The following MS4A1 variants were observed in gnomAD, a reference collection of about 807,000 sequenced individuals.
MS4A1 encodes the protein B-lymphocyte antigen CD20.
In MS4A1, 16 loss-of-function variants were observed where a neutral mutation model predicts 26.5. The observed-to-expected ratio is 0.60, with a 90% CI of 0.41 to 0.92. The LOEUF (loss-of-function observed/expected upper bound fraction) is 0.92, where lower values mean the gene tolerates loss of function less well. Ranked by LOEUF, MS4A1 falls within the 40% of genes least tolerant of loss-of-function variation. MS4A1 has a pLI of 0.00. For missense variants in MS4A1, 350 were observed against 353.0 expected, an observed-to-expected ratio of 0.99 and a Z score of 0.07; for synonymous variants, 128 against 117.6, an observed-to-expected ratio of 1.09 and a Z score of -0.57.
intron 1 of MS4A1, among the ~76,000 whole-genome samples, chr11:60,459,533 T>C (rs1440764057): frequency 6.6e-6 from 1 of 152,230 alleles, no homozygotes; most frequent in Non-Finnish European, 1.5e-5. Context: ...GACTGCAGCT[T>C]CCTCATTTGT....
chr11:60,463,868 A>G, intron 4 of MS4A1: 1 of 441,564 alleles, frequency 2.3e-6, no homozygotes, highest in South Asian at 1.6e-5. Flanking sequence ...TTCCTTCTGC[A>G]TCAGTTCACT....
Position 60,470,062 on chromosome 11 carries a change from A to G in MS4A1, c.*1594A>G, listed in dbSNP as rs142874024. 3 of 152,240 alleles carry G rather than the reference A, an allele frequency of 2.0e-5. No individual in the cohort carries two copies. The highest frequency in any genetic ancestry group is 4.8e-5 in the African/African-American group (2 of 41,582). The allele number at this position is 152,240 out of a possible 1,614,324, so 9.4% of individuals were successfully genotyped here. On this transcript the variant is annotated 3_prime_UTR_variant, in exon 8 of 8. Coordinates refer to ENST00000345732, the MANE Select transcript of MS4A1 (RefSeq NM_152866.3). ...ATCTTTGTGTTCTTTTCTGCAACAG[A>G]TGATTCCAACATGGGTGTTTGTCTA...
chr11:60,464,236 T>C (rs1402690346), intron 4 of MS4A1, 52 bp from the exon 5 acceptor site: 3 of 1,336,204 alleles, frequency 2.2e-6, no homozygotes, highest in South Asian at 1.2e-5. Flanking sequence ...CTCTCCTCTA[T>C]CTCCTGTCTT....
chr11:60,464,177 G>C (rs1352830372), intron 4 of MS4A1, 111 bp from the exon 5 acceptor site: 1 of 773,254 alleles, frequency 1.3e-6, no homozygotes, highest in Non-Finnish European at 2.2e-6. Context: ...GTTGCTGAAA[G>C]TGTAGGCTTC....
chr11:60,464,971 C>A lies in MS4A1; in HGVS notation c.336+627C>A, dbSNP rs183891696. The stretch of plus-strand genomic sequence containing the variant: ...AAAGAGTTTAGCAGCAAGTTCGCTC[C>A]CAAAAAATTCCTCCCCCAACACTGT... On this transcript the variant is annotated intron_variant, in intron 5 of 7. Transcript: ENST00000345732. Among the ~76,000 whole-genome samples the A allele has an allele frequency of 3.3e-4, 51 of 152,296 alleles. No individual in the cohort carries two copies. In the Middle Eastern group the frequency reaches 0.027, roughly 81 times the overall value.
At position 60,468,319 on chromosome 11, in the gene MS4A1, C is replaced by A. The variant is rs901618343; in HGVS notation, c.745C>A (p.Leu249Ile). 1.3e-5 allele frequency: 21 copies of A among 1,613,686 alleles called. No individual in the cohort carries two copies. The highest frequency in any genetic ancestry group is 1.7e-5 in the Non-Finnish European group (20 of 1,179,856). ...TIEIKEEVVG[L>I]TETSSQPKNE... The stretch of plus-strand genomic sequence containing the variant: ...TGAAATAAAAGAAGAAGTGGTTGGG[C>A]TAACTGAAACATCTTCCCAACCAAA... The change falls in exon 8 of 8, where the codon CTA becomes ATA. Residue 249 changes from leucine (L) to isoleucine (I), a missense_variant. By Grantham distance (5) the Leu-to-Ile change is conservative. Transcript: ENST00000345732.
Position 60,457,264 on chromosome 11 carries a change from G to A in MS4A1, c.-280+1319G>A, listed in dbSNP as rs1363446151. ...GGTAGAGGACATGTATAGACCAGTG[G>A]CTCTGGTGGCGGTAGTGGGATATGA... On this transcript the variant is annotated intron_variant, in intron 1 of 7. Coordinates refer to ENST00000345732, the MANE Select transcript of MS4A1 (RefSeq NM_152866.3). Among the ~76,000 whole-genome samples, 4 of 152,250 alleles carry A rather than the reference G, an allele frequency of 2.6e-5. No homozygotes were observed. The Middle Eastern group carries it at 0.01, about 388-fold the overall frequency.
In MS4A1 at chr11:60,465,918, C is replaced by T; in HGVS notation, c.337-3C>T. On this transcript the variant is annotated splice_polypyrimidine_tract_variant and splice_region_variant and intron_variant, in intron 5 of 7. Transcript: ENST00000345732. ...AATTAATAAATCTGTGTCTCCATTT[C>T]AGGTCAAAGGAAAAATGATAATGAA... 6.2e-7 allele frequency: 1 copy of T among 1,607,090 alleles called. No homozygotes were observed. The highest frequency in any genetic ancestry group is 1.8e-4 in the Middle Eastern group (1 of 5,606).
At chr11:60,465,409 C>G (rs1239468275) in intron 5 of MS4A1, among the ~76,000 whole-genome samples, 1 of 152,148 alleles carries the variant, frequency 6.6e-6, no homozygotes, top group East Asian at 1.9e-4. Flanking sequence ...GTTGCTTCTG[C>G]TTTTTTTATT....
rs201238245 is a variant in MS4A1 at position 60,467,038 on chromosome 11, G to C, written c.653G>C (p.Arg218Thr). The C allele has an allele frequency of 6.2e-7, 1 of 1,614,130 alleles. No individual in the cohort carries two copies. Among genetic ancestry groups the C allele is most frequent in the East Asian group, 2.2e-5 (1 of 44,866 alleles). The change falls in exon 7 of 8, where the codon AGA (arginine) becomes ACA (threonine). Residue 218 changes from arginine to threonine, a missense_variant. Coordinates refer to ENST00000345732, the MANE Select transcript of MS4A1 (RefSeq NM_152866.3). ...IAGIVENEWKRTCSRPKSNIV... is the reference protein window; with the variant it reads ...IAGIVENEWKTTCSRPKSNIV... ...GGCATCGTTGAGAATGAATGGAAAA[G>C]AACGTGCTCCAGACCCAAATCTGTA...
Position 60,463,037 on chromosome 11 carries a change from C to T in MS4A1, c.195C>T (p.Ala65=), listed in dbSNP as rs1402540085. ...TTATGAATGGGCTCTTCCACATTGC[C>T]CTGGGGGGTCTTCTGATGATCCCAG... ...VQIMNGLFHI[A]LGGLLMIPAG... Residue 65 remains alanine, a synonymous_variant, in exon 4 of 8, where the codon GCC becomes GCT. Coordinates refer to ENST00000345732, the MANE Select transcript of MS4A1 (RefSeq NM_152866.3). The T allele has an allele frequency of 1.2e-6, 2 of 1,613,988 alleles. No homozygotes were observed. The highest frequency in any genetic ancestry group is 1.7e-5 in the Admixed American group (1 of 60,008).
intron 1 of MS4A1, among the ~76,000 whole-genome samples, chr11:60,458,925 G>A (rs529018921): frequency 3.9e-4 from 59 of 152,102 alleles, no homozygotes; most frequent in African/African-American, 1.4e-3. Context: ...TTTGTTTAAG[G>A]TTTGTAGAAG....
At position 60,463,427 on chromosome 11, in the gene MS4A1, A is replaced by T. The variant is rs143480849; in HGVS notation, c.279+306A>T. ...GGGTGGCCCTAGACATTTAGACTAGATAGCAAGATGTTTTGGAAAGCAAGA... is the reference window on the plus strand; with the variant it reads ...GGGTGGCCCTAGACATTTAGACTAGTTAGCAAGATGTTTTGGAAAGCAAGA... On this transcript the variant is annotated intron_variant, in intron 4 of 7. Coordinates refer to ENST00000345732, the MANE Select transcript of MS4A1 (RefSeq NM_152866.3). 4.5e-3 allele frequency among the ~76,000 whole-genome samples: 687 copies of T among 152,302 alleles called. 5 individuals carry two copies. The highest frequency in any genetic ancestry group is 0.016 in the African/African-American group (665 of 41,570).
At chr11:60,458,630 T>C (rs2086222987) in intron 1 of MS4A1, among the ~76,000 whole-genome samples, 1 of 152,218 alleles carries the variant, frequency 6.6e-6, no homozygotes, top group Non-Finnish European at 1.5e-5. Flanking sequence ...AACTGTGCAT[T>C]GGGCACTAAG....
chr11:60,457,451 AT>A (rs946943207), intron 1 of MS4A1, among the ~76,000 whole-genome samples: 2 of 152,196 alleles, frequency 1.3e-5, no homozygotes, highest in African/African-American at 4.8e-5. Context: ...TGGACAATGG[AT>A]TAGAAAAGAG....
intron 5 of MS4A1, among the ~76,000 whole-genome samples, chr11:60,464,659 A>G (rs779403669): frequency 3.9e-5 from 6 of 152,180 alleles, no homozygotes; most frequent in Non-Finnish European, 5.9e-5. Flanking sequence ...ATTTAGGAAA[A>G]TTATCTGATC....
chr11:60,462,634 T>G (rs1165585789), intron 3 of MS4A1, 101 bp downstream of exon 3: 11 of 1,502,382 alleles, frequency 7.3e-6, no homozygotes. Flanking sequence ...TTTGAAGAAT[T>G]GGGATCCAAC....
chr11:60,460,639 A>G (rs1457693693), intron 1 of MS4A1, among the ~76,000 whole-genome samples: 1 of 152,202 alleles, frequency 6.6e-6, no homozygotes. Flanking sequence ...ATGTGTCCCC[A>G]AAAGAGGGAT....
chr11:60,467,813 A>G (rs1466896347), intron 7 of MS4A1, among the ~76,000 whole-genome samples: 2 of 152,198 alleles, frequency 1.3e-5, no homozygotes, highest in African/African-American at 2.4e-5. Context: ...AATAATAGAT[A>G]TATTACTAAC....
Sources: gnomAD v4.1 joint callset for allele counts (sites outside exome capture counted in the v4.1 genomes callset) on GRCh38, gnomAD v4.1.1 for gene constraint, MANE v1.5 for transcripts, NCBI Gene and HGNC (gene_info 2026-07-23, HGNC 2026-07-21) for gene names.